Variants in TSHZ2 observed in about 807,000 individuals in gnomAD.
The protein encoded by TSHZ2 is teashirt zinc finger homeobox 2, also known as teashirt homolog 2.
TSHZ2 carries 21 observed loss-of-function variants against 74.4 expected under a neutral mutation model. The observed-to-expected ratio is 0.28, with a 90% CI of 0.20 to 0.41. TSHZ2 has a LOEUF of 0.41. TSHZ2 is among the 10% of genes least tolerant of loss of function. TSHZ2 has a pLI of 1.00. For synonymous variants in TSHZ2, 540 were observed against 515.3 expected (o/e 1.05, Z -0.65); for missense variants, 1,244 against 1,293.5 (o/e 0.96, Z 0.59).
intron 1 of TSHZ2, among the ~76,000 whole-genome samples, chr20:53,107,926 T>G (rs528666627): frequency 6.6e-6 from 1 of 152,356 alleles, no homozygotes; most frequent in Admixed American, 6.5e-5. Flanking sequence ...TCTAATTTCT[T>G]AAAGGCAGGT....
chr20:53,296,055 A>AT (rs1991374291), intron 2 of TSHZ2, among the ~76,000 whole-genome samples: 5 of 146,642 alleles, frequency 3.4e-5, no homozygotes, highest in Admixed American at 3.4e-4. Context: ...AAAAAAAAAA[A>AT]TCCAGGCAGT....
At chr20:53,038,859 G>GTTT (rs5841923) in intron 1 of TSHZ2, among the ~76,000 whole-genome samples, 24 of 146,756 alleles carry the variant, frequency 1.6e-4, no homozygotes, top group South Asian at 1.1e-3. Context: ...TTCACTTCTT[G>GTTT]TTTTTTTTTT....
intron 1 of TSHZ2, among the ~76,000 whole-genome samples, chr20:52,982,504 A>G (rs1406326884): frequency 1.3e-5 from 2 of 152,090 alleles, no homozygotes; most frequent in African/African-American, 4.8e-5. Flanking sequence ...TCTTTATGGG[A>G]TGTTCTTTCA....
At chr20:53,161,130 C>CAAAAAAAAACA (rs1987925107) in intron 1 of TSHZ2, among the ~76,000 whole-genome samples, 1 of 67,978 alleles carries the variant, frequency 1.5e-5, no homozygotes, top group Non-Finnish European at 2.6e-5. Flanking sequence ...TTATTTTCAG[C>CAAAAAAAAACA]AAAAAAAAAA....
At chr20:53,003,664 A>G (rs944112200) in intron 1 of TSHZ2, among the ~76,000 whole-genome samples, 1 of 152,160 alleles carries the variant, frequency 6.6e-6, no homozygotes, top group Non-Finnish European at 1.5e-5. Context: ...AGGCATACTT[A>G]ATCAAAATGT....
chr20:53,069,662 TACACACACACACACACACACACAC>T (rs11471151), intron 1 of TSHZ2, among the ~76,000 whole-genome samples: 23 of 138,996 alleles, frequency 1.7e-4, no homozygotes, highest in Non-Finnish European at 2.6e-4. Context: ...AATGCTTTGA[TACACACACACACACACACACACAC>T]ACACACACAC....
chr20:53,229,480 G>A (rs575617006), intron 1 of TSHZ2, among the ~76,000 whole-genome samples: 7 of 152,254 alleles, frequency 4.6e-5, no homozygotes, highest in African/African-American at 9.6e-5. Context: ...TTGTGTGATC[G>A]TATTTAATTA....
At chr20:53,061,072 T>C (rs750962110) in intron 1 of TSHZ2, among the ~76,000 whole-genome samples, 7 of 152,210 alleles carry the variant, frequency 4.6e-5, no homozygotes, top group Non-Finnish European at 8.8e-5. Context: ...CCTTTCTTGG[T>C]TCTAAGTACA....
chr20:53,415,988 C>T (rs148478713), intron 2 of TSHZ2, among the ~76,000 whole-genome samples: 46 of 152,210 alleles, frequency 3.0e-4, no homozygotes, highest in Non-Finnish European at 1.3e-4. Context: ...CTGGTGAATC[C>T]GGTAACTGTC....
chr20:53,230,889 A>T (rs1192108368), intron 1 of TSHZ2, among the ~76,000 whole-genome samples: 1 of 152,136 alleles, frequency 6.6e-6, no homozygotes, highest in Admixed American at 6.5e-5. Flanking sequence ...ATCTCAAAAA[A>T]AAAAGAAAAA....
At chr20:53,015,888 A>G (rs1406917988) in intron 1 of TSHZ2, among the ~76,000 whole-genome samples, 1 of 152,164 alleles carries the variant, frequency 6.6e-6, no homozygotes, top group Non-Finnish European at 1.5e-5. Context: ...GGCTGAAAGT[A>G]AGGGCAGCAC....
At chr20:53,143,202 G>A (rs1171569091) in intron 1 of TSHZ2, among the ~76,000 whole-genome samples, 3 of 152,144 alleles carry the variant, frequency 2.0e-5, no homozygotes, top group East Asian at 1.9e-4. Flanking sequence ...CACAGACCCC[G>A]ACAGGCTTCT....
In TSHZ2 at chr20:53,285,798, A is replaced by G. The variant is rs80134574; in HGVS notation, c.*8+29227A>G. On this transcript the variant is annotated intron_variant, in intron 2 of 2. Transcript: ENST00000371497. ...CCTTTGTGAAGTGATGTTCTGAGCC[A>G]TTAGGGTTATATATGTTTCCACAAA... is the stretch of plus-strand genomic sequence containing the variant. 3.9e-5 allele frequency among the ~76,000 whole-genome samples: 6 copies of G among 152,300 alleles called. No homozygotes were observed. In the East Asian group the frequency reaches 1.2e-3, roughly 29 times the overall value.
chr20:53,482,108 TAAAAAAAAAAAAAAAA>T (rs570413572), intron 2 of TSHZ2, among the ~76,000 whole-genome samples: 1 of 74,332 alleles, frequency 1.3e-5, no homozygotes, highest in Non-Finnish European at 2.6e-5. Flanking sequence ...CTCCATCTCA[TAAAAAAAAAAAAAAAA>T]AAAAAAAAAA....
intron 2 of TSHZ2, among the ~76,000 whole-genome samples, chr20:53,364,694 T>G (rs1981190636): frequency 6.6e-6 from 1 of 152,230 alleles, no homozygotes; most frequent in African/African-American, 2.4e-5. Flanking sequence ...ATTTCCCAGA[T>G]AGAAAAGCCA....
chr20:53,374,481 A>G (rs1309009432), intron 2 of TSHZ2, among the ~76,000 whole-genome samples: 1 of 152,182 alleles, frequency 6.6e-6, no homozygotes, highest in Non-Finnish European at 1.5e-5. Flanking sequence ...TGGTAGAATA[A>G]TTTATATTCC....
intron 1 of TSHZ2, among the ~76,000 whole-genome samples, chr20:53,194,949 T>G (rs1041565691): frequency 6.6e-6 from 1 of 152,232 alleles, no homozygotes; most frequent in African/African-American, 2.4e-5. Flanking sequence ...TATTTCAGGC[T>G]TTGTAAATTA....
intron 2 of TSHZ2, among the ~76,000 whole-genome samples, chr20:53,363,470 A>T (rs1421230465): frequency 6.6e-6 from 1 of 152,188 alleles, no homozygotes; most frequent in Non-Finnish European, 1.5e-5. Context: ...ACCCCTTTCC[A>T]TGTGGCCCCT....
At chr20:53,089,642 T>G (rs1230049160) in intron 1 of TSHZ2, among the ~76,000 whole-genome samples, 1 of 152,150 alleles carries the variant, frequency 6.6e-6, no homozygotes, top group Middle Eastern at 3.2e-3. Flanking sequence ...TTTCACACAG[T>G]AATAATAGCT....
Sources: gnomAD v4.1 joint callset for allele counts (sites outside exome capture counted in the v4.1 genomes callset) on GRCh38, gnomAD v4.1.1 for gene constraint, MANE v1.5 for transcripts, NCBI Gene and HGNC (gene_info 2026-07-23, HGNC 2026-07-21) for gene names.